Variants in CTTN observed in about 807,000 individuals in gnomAD.
The protein encoded by CTTN is src substrate cortactin.
CTTN carries 28 observed loss-of-function variants against 84.0 expected under a neutral mutation model. That is an observed-to-expected ratio of 0.33 (90% CI 0.25 to 0.46). The LOEUF (loss-of-function observed/expected upper bound fraction) is 0.46, where lower values mean the gene tolerates loss of function less well. CTTN is among the 20% of genes least tolerant of loss of function. CTTN has a pLI of 1.00. For missense variants in CTTN, 641 were observed against 723.8 expected, an observed-to-expected ratio of 0.89 and a Z score of 1.31; for synonymous variants, 301 against 288.8, an observed-to-expected ratio of 1.04 and a Z score of -0.43.
chr11:70,419,983 G>C, intron 9 of CTTN, 127 bp downstream of exon 9: 1 of 716,470 alleles, frequency 1.4e-6, no homozygotes, highest in Non-Finnish European at 2.3e-6. Flanking sequence ...TTCATGAAAT[G>C]CCCAACTTGA....
chr11:70,422,754 C>T (rs1022335400), intron 11 of CTTN, 186 bp from the exon 12 acceptor site: 69 of 1,461,744 alleles, frequency 4.7e-5, no homozygotes, highest in Non-Finnish European at 6.3e-5. Context: ...TTCTCACTGC[C>T]TGTGTCTCAC....
chr11:70,416,972 G>C (rs758425906), intron 7 of CTTN, 41 bp from the exon 8 acceptor site: 7 of 1,408,136 alleles, frequency 5.0e-6, no homozygotes, highest in Non-Finnish European at 7.1e-6. Context: ...AGTGTAGTTC[G>C]TCCTCAGGCC....
At position 70,418,466 on chromosome 11, in the gene CTTN, C is replaced by T. The variant is rs1425253645; in HGVS notation, c.569-1280C>T. 2.6e-5 allele frequency among the ~76,000 whole-genome samples: 4 copies of T among 152,262 alleles called. 1 individual carries two copies. Among genetic ancestry groups the T allele is most frequent in the Admixed American group, 2.6e-4 (4 of 15,288 alleles). On this transcript the variant is annotated intron_variant, in intron 8 of 17. Transcript: ENST00000301843. ...GGGCAGACGCAAGGCTCCTTGGATG[C>T]TTCAGGCCTTCTCTCCCAGGCCTTG...
intron 5 of CTTN, among the ~76,000 whole-genome samples, chr11:70,413,411 G>C (rs1430127254): frequency 6.6e-6 from 1 of 152,250 alleles, no homozygotes; most frequent in African/African-American, 2.4e-5. Flanking sequence ...GTCAGGACTG[G>C]AGCAGGGCCA....
chr11:70,421,337 C>T (rs1044111214), intron 10 of CTTN, 133 bp from the exon 11 acceptor site: 21 of 707,202 alleles, frequency 3.0e-5, no homozygotes, highest in Non-Finnish European at 4.6e-5. Flanking sequence ...AGTAGGATCT[C>T]AAAGGCCCTA....
At chr11:70,434,335 C>T (rs1414752438) in intron 17 of CTTN, among the ~76,000 whole-genome samples, 1 of 152,266 alleles carries the variant, frequency 6.6e-6, no homozygotes, top group African/African-American at 2.4e-5. Context: ...CAGCCACCAC[C>T]TGGTCCACAA....
In CTTN at chr11:70,435,297, A is replaced by G; in HGVS notation, c.*135A>G. The G allele has an allele frequency of 6.6e-6, 9 of 1,360,904 alleles. No individual in the cohort carries two copies. Among genetic ancestry groups the G allele is most frequent in the East Asian group, 2.7e-5 (1 of 37,566 alleles). The allele number at this position is 1,360,904 out of a possible 1,614,324, so 84.3% of individuals were successfully genotyped here. Reference sequence around the variant, plus strand: ...TTTTTTTGAAGGTGGGGAGGGGAATATACACATTGCTTTTATATTTAATAC... The same window carrying G: ...TTTTTTTGAAGGTGGGGAGGGGAATGTACACATTGCTTTTATATTTAATAC... On this transcript the variant is annotated 3_prime_UTR_variant, in exon 18 of 18. Transcript: ENST00000301843.
At chr11:70,434,772 C>T (rs2135600870) in intron 17 of CTTN, among the ~76,000 whole-genome samples, 1 of 152,322 alleles carries the variant, frequency 6.6e-6, no homozygotes, top group East Asian at 1.9e-4. Context: ...AAACCTGCTC[C>T]TGAGGAAGGG....
rs2135601398 is a variant in CTTN, at chr11:70,435,058, G to T, written c.1549G>T (p.Asp517Tyr). 1 of 1,614,028 alleles carries T rather than the reference G, an allele frequency of 6.2e-7. No homozygotes were observed. Among genetic ancestry groups the T allele is most frequent in the South Asian group, 1.1e-5 (1 of 91,076 alleles). ...GDDEISFDPD[D>Y]IITNIEMIDD... Reference sequence around the variant, plus strand: ...TGATGAGATCTCATTTGACCCTGATGACATCATCACCAACATCGAGATGAT... The same window carrying T: ...TGATGAGATCTCATTTGACCCTGATTACATCATCACCAACATCGAGATGAT... Residue 517 changes from aspartate to tyrosine, a missense_variant, in exon 18 of 18, where the codon GAC becomes TAC. Asp to Tyr is a radical substitution (Grantham distance 160). Coordinates refer to ENST00000301843, the MANE Select transcript of CTTN (RefSeq NM_005231.4).
chr11:70,400,749 T>A (rs936371734), intron 1 of CTTN, among the ~76,000 whole-genome samples: 1 of 152,260 alleles, frequency 6.6e-6, no homozygotes, highest in Non-Finnish European at 1.5e-5. Flanking sequence ...TGCTGCCTTG[T>A]GTTGCAGTAT....
chr11:70,401,588 C>T (rs1288858451), intron 1 of CTTN, among the ~76,000 whole-genome samples: 4 of 151,558 alleles, frequency 2.6e-5, no homozygotes, highest in Non-Finnish European at 4.4e-5. Context: ...GCAGAGGTTG[C>T]GGTGAGCTGA....
chr11:70,419,989 C>G (rs1480822301), intron 9 of CTTN, 133 bp downstream of exon 9: 1 of 689,598 alleles, frequency 1.5e-6, no homozygotes, highest in Non-Finnish European at 2.5e-6. Flanking sequence ...AAATGCCCAA[C>G]TTGAAAACGG....
chr11:70,409,748 A>T, intron 4 of CTTN, 83 bp from the exon 5 acceptor site: 2 of 1,404,448 alleles, frequency 1.4e-6, no homozygotes, highest in Non-Finnish European at 2.0e-6. Context: ...AGATAATGTC[A>T]CCTGTTCTTA....
Position 70,435,253 on chromosome 11 carries a change from G to GTTTT in CTTN, c.*113_*116dup, listed in dbSNP as rs370623790. 2.7e-3 allele frequency: 2,504 copies of GTTTT among 935,866 alleles called. 1 individual carries two copies. Among genetic ancestry groups the GTTTT allele is most frequent in the South Asian group, 8.1e-3 (302 of 37,154 alleles). The allele number at this position is 935,866 out of a possible 1,614,324, so 58.0% of individuals were successfully genotyped here. A position where few individuals can be genotyped will look rare whatever the true frequency, so the allele number is the denominator to read the frequency against. ...TCTTGGGTGGTTTTGGGTTTTTTCT[G>GTTTT]TTTTTTTTTTTTTTTTTTTTTTTTT... On this transcript the variant is annotated 3_prime_UTR_variant, in exon 18 of 18. Transcript: ENST00000301843.
rs1029083506 is a variant in CTTN at position 70,436,205 on chromosome 11, G to A, written c.*1043G>A. 9.6e-6 allele frequency: 15 copies of A among 1,563,392 alleles called. No homozygotes were observed. The East Asian group carries it at 1.6e-4, about 16-fold the overall frequency. Reference sequence around the variant, plus strand: ...GGCTAGAAGTGTGAAGTGCAGATGAGTGTGTGTTCTTCCCCAAGGTCCCCC... The same window carrying A: ...GGCTAGAAGTGTGAAGTGCAGATGAATGTGTGTTCTTCCCCAAGGTCCCCC... On this transcript the variant is annotated 3_prime_UTR_variant, in exon 18 of 18. Transcript: ENST00000301843.
intron 4 of CTTN, chr11:70,407,868 G>T (rs534467189): frequency 7.3e-6 from 3 of 412,628 alleles, no homozygotes; most frequent in African/African-American, 2.0e-5. Context: ...TAGAGTGTCC[G>T]CTTCTCAGTA....
Position 70,435,125 on chromosome 11 carries a change from G to T in CTTN, c.1616G>T (p.Gly539Val), listed in dbSNP as rs764143657. 2 of 1,613,444 alleles carry T rather than the reference G, an allele frequency of 1.2e-6. No individual in the cohort carries two copies. Among genetic ancestry groups the T allele is most frequent in the Non-Finnish European group, 1.7e-6 (2 of 1,179,978 alleles). The change falls in exon 18 of 18, where the codon GGG becomes GTG. Residue 539 changes from glycine to valine, a missense_variant. Around this residue, in one of 3 missense-constraint regions of CTTN, gnomAD observed 68 missense variants for 102.2 expected, o/e 0.67. Coordinates refer to ENST00000301843, the MANE Select transcript of CTTN (RefSeq NM_005231.4). Reference sequence around the variant, plus strand: ...CGCGGGGTGTGCAAGGGCCGGTACGGGCTCTTCCCAGCCAACTATGTGGAG... The same window carrying T: ...CGCGGGGTGTGCAAGGGCCGGTACGTGCTCTTCCCAGCCAACTATGTGGAG... The part of the protein sequence containing the change: ...WWRGVCKGRY[G>V]LFPANYVELR...
intron 7 of CTTN, 195 bp downstream of exon 7, chr11:70,415,912 A>G (rs530765668): frequency 1.7e-6 from 1 of 600,294 alleles, no homozygotes; most frequent in South Asian, 2.0e-5. Context: ...GATCATCTGG[A>G]TACCACATGA....
At chr11:70,423,513 T>A (rs1419965059) in intron 12 of CTTN, among the ~76,000 whole-genome samples, 2 of 152,210 alleles carry the variant, frequency 1.3e-5, no homozygotes, top group Admixed American at 6.5e-5. Context: ...GCCTCGCAGC[T>A]GACCACACAG....
Sources: allele counts gnomAD v4.1 joint callset (sites outside exome capture counted in the v4.1 genomes callset), GRCh38; gene constraint gnomAD v4.1.1; regional missense constraint gnomAD v4.1.1; transcripts MANE v1.5; gene names NCBI Gene and HGNC (gene_info 2026-07-23, HGNC 2026-07-21).